Variants in MS4A2 observed in about 807,000 individuals in gnomAD.
MS4A2 encodes high affinity immunoglobulin epsilon receptor subunit beta.
MS4A2 carries 26 observed loss-of-function variants against 27.9 expected under a neutral mutation model. The observed-to-expected ratio is 0.93, with a 90% CI of 0.68 to 1.29. The LOEUF is 1.29. Ranked by LOEUF, MS4A2 falls within the 50% of genes most tolerant of loss-of-function variation. The pLI is 0.00. For synonymous variants in MS4A2, 110 were observed against 98.8 expected, an observed-to-expected ratio of 1.11 and a Z score of -0.67; for missense variants, 284 against 284.6, an observed-to-expected ratio of 1.00 and a Z score of 0.01.
In MS4A2 at chr11:60,097,690, T is replaced by G. The variant is rs1397726712; in HGVS notation, c.*2034T>G. ...TATTAGTCACAATTAATGAAATAAT[T>G]ACATTTTATGTATTGAGGATGCCAA... On this transcript the variant is annotated 3_prime_UTR_variant, in exon 7 of 7. Coordinates refer to ENST00000278888, the MANE Select transcript of MS4A2 (RefSeq NM_000139.5). The G allele has an allele frequency of 2.6e-5, 4 of 152,216 alleles. No individual in the cohort carries two copies. Among genetic ancestry groups the G allele is most frequent in the African/African-American group, 9.6e-5 (4 of 41,454 alleles). 9.4% of individuals were successfully genotyped at this position (152,216 alleles called of 1,614,324 possible). A position where few individuals can be genotyped will look rare whatever the true frequency, so the allele number is the denominator to read the frequency against.
At chr11:60,093,818 G>GTC in intron 5 of MS4A2, 146 bp from the exon 6 acceptor site, 1 of 723,682 alleles carries the variant, frequency 1.4e-6, no homozygotes, top group South Asian at 1.6e-5. Context: ...GTGTGTGTGT[G>GTC]TGTGTGTGTG....
intron 3 of MS4A2, among the ~76,000 whole-genome samples, chr11:60,092,025 G>A (rs1261358373): frequency 6.6e-6 from 1 of 152,148 alleles, no homozygotes; most frequent in Non-Finnish European, 1.5e-5. Flanking sequence ...GTCAGACTCT[G>A]GAAATATGCA....
chr11:60,089,127 T>C (rs1855709760), intron 1 of MS4A2, among the ~76,000 whole-genome samples: 1 of 150,568 alleles, frequency 6.6e-6, no homozygotes, highest in Admixed American at 6.6e-5. Context: ...GTCTGACATG[T>C]GCTGAGGGAC....
At chr11:60,089,081 G>T (rs1407678959) in intron 1 of MS4A2, among the ~76,000 whole-genome samples, 1 of 152,176 alleles carries the variant, frequency 6.6e-6, no homozygotes, top group African/African-American at 2.4e-5. Context: ...TGAGACAGGA[G>T]AGTTCATACT....
upstream of MS4A2, chr11:60,088,576 G>T: frequency 1.4e-6 from 2 of 1,417,970 alleles, no homozygotes; most frequent in Non-Finnish European, 9.2e-7. Context: ...TTCATCACAA[G>T]TAAAAGCCTG....
At chr11:60,093,646 C>A (rs767970995) in intron 5 of MS4A2, 88 bp downstream of exon 5, 19 of 1,520,668 alleles carry the variant, frequency 1.2e-5, no homozygotes, top group Non-Finnish European at 1.6e-5. Context: ...TGAACACCAT[C>A]CTTTTCTGTA....
At chr11:60,092,963 A>T in intron 4 of MS4A2, 115 bp downstream of exon 4, 1 of 1,052,742 alleles carries the variant, frequency 9.5e-7, no homozygotes, top group South Asian at 1.4e-5. Context: ...ATGTGGATAT[A>T]TGATTTTGTT....
intron 6 of MS4A2, among the ~76,000 whole-genome samples, chr11:60,094,875 C>T (rs559076444): frequency 2.5e-4 from 38 of 152,088 alleles, no homozygotes; most frequent in Non-Finnish European, 4.0e-4. Flanking sequence ...ATTAGCCCAG[C>T]GTGGTGGCAG....
At chr11:60,090,554 C>G (rs1855741951) in intron 3 of MS4A2, 84 bp downstream of exon 3, 1 of 1,241,012 alleles carries the variant, frequency 8.1e-7, no homozygotes, top group South Asian at 1.3e-5. Context: ...TGTTTATTCC[C>G]AGTATTAACA....
chr11:60,094,558 C>A (rs1320135493), intron 6 of MS4A2, among the ~76,000 whole-genome samples: 1 of 152,220 alleles, frequency 6.6e-6, no homozygotes, highest in Non-Finnish European at 1.5e-5. Flanking sequence ...CCACCAGCAC[C>A]TTGTGCTCAT....
chr11:60,092,646 T>A (rs1855786021), intron 3 of MS4A2, 146 bp from the exon 4 acceptor site: 2 of 708,614 alleles, frequency 2.8e-6, no homozygotes, highest in East Asian at 2.7e-5. Flanking sequence ...AAAATAAGAA[T>A]AAGAAAATAT....
intron 2 of MS4A2, 125 bp from the exon 3 acceptor site, chr11:60,090,211 G>T (rs1454073636): frequency 6.0e-6 from 6 of 992,878 alleles, no homozygotes; most frequent in South Asian, 4.1e-5. Context: ...CTTACGTGTG[G>T]ATCATTTCTC....
At chr11:60,094,464 A>C (rs1049952257) in intron 6 of MS4A2, among the ~76,000 whole-genome samples, 2 of 152,162 alleles carry the variant, frequency 1.3e-5, no homozygotes, top group Non-Finnish European at 2.9e-5. Flanking sequence ...ACTTGCTCTA[A>C]AACCTCAGTT....
rs949724183 is a variant in MS4A2 at position 60,097,235 on chromosome 11, A to T, written c.*1579A>T. On this transcript the variant is annotated 3_prime_UTR_variant, in exon 7 of 7. Transcript: ENST00000278888. Reference sequence around the variant, plus strand: ...CTAGAAGATACAATAATTAGTCATAAACATGCATTGTGAAACTGTAGAGAG... The same window carrying T: ...CTAGAAGATACAATAATTAGTCATATACATGCATTGTGAAACTGTAGAGAG... 1 of 152,240 alleles carries T rather than the reference A, an allele frequency of 6.6e-6. No individual in the cohort carries two copies. Among genetic ancestry groups the T allele is most frequent in the African/African-American group, 2.4e-5 (1 of 41,474 alleles). 9.4% of individuals were successfully genotyped at this position (152,240 alleles called of 1,614,324 possible).
chr11:60,094,459 CT>C (rs1855830031), intron 6 of MS4A2, among the ~76,000 whole-genome samples: 1 of 152,210 alleles, frequency 6.6e-6, no homozygotes. Flanking sequence ...TTCCAACTTG[CT>C]CTAAAACCTC....
intron 6 of MS4A2, 105 bp from the exon 7 acceptor site, chr11:60,095,453 G>T: frequency 1.3e-6 from 1 of 758,044 alleles, no homozygotes; most frequent in South Asian, 1.5e-5. Flanking sequence ...GACAGAGAGC[G>T]TGAGACCCAG....
Position 60,095,500 on chromosome 11 carries a change from G to C in MS4A2, c.637-58G>C, listed in dbSNP as rs1026667113. ...TAGATGAGGTAAGTCTCTTGAGCGA[G>C]ACTTCTAGGGATGGGAAATTTGTGG... On this transcript the variant is annotated intron_variant, in intron 6 of 6. Transcript: ENST00000278888. The C allele has an allele frequency of 2.7e-6, 3 of 1,098,100 alleles. No homozygotes were observed. In the African/African-American group the frequency reaches 4.6e-5, roughly 17 times the overall value. 68.0% of individuals were successfully genotyped at this position (1,098,100 alleles called of 1,614,324 possible). A position where few individuals can be genotyped will look rare whatever the true frequency, so the allele number is the denominator to read the frequency against.
At chr11:60,095,216 C>G (rs961111091) in intron 6 of MS4A2, among the ~76,000 whole-genome samples, 3 of 152,000 alleles carry the variant, frequency 2.0e-5, no homozygotes, top group Admixed American at 6.6e-5. Context: ...GAGCCAAGAT[C>G]GTGGCCACTG....
intron 3 of MS4A2, among the ~76,000 whole-genome samples, 200 bp downstream of exon 3, chr11:60,090,670 C>T (rs556800509): frequency 2.7e-4 from 41 of 152,226 alleles, no homozygotes; most frequent in South Asian, 8.3e-4. Flanking sequence ...GTGGGTTAAA[C>T]ATTTAGCCCA....
Sources: allele counts gnomAD v4.1 joint callset (sites outside exome capture counted in the v4.1 genomes callset), GRCh38; gene constraint gnomAD v4.1.1; transcripts MANE v1.5; gene names NCBI Gene and HGNC (gene_info 2026-07-23, HGNC 2026-07-21).